TYW3: variants seen among roughly 807,000 people sequenced by gnomAD.
TYW3 encodes the protein tRNA-yW synthesizing protein 3 homolog.
Under a neutral mutation model 23.1 loss-of-function variants are expected in TYW3, and 26 were observed. The observed-to-expected ratio is 1.13, with a 90% confidence interval of 0.83 to 1.56. TYW3 has a LOEUF of 1.56. Among genes scored for constraint, TYW3 ranks in the 40% most tolerant of loss-of-function variants. The probability of loss-of-function intolerance (pLI) is 0.00; values close to 1 mark genes in which losing one functional copy is unlikely to be tolerated. For synonymous variants in TYW3, 102 were observed against 105.7 expected, an observed-to-expected ratio of 0.97 and a Z score of 0.21; for missense variants, 316 against 311.9, an observed-to-expected ratio of 1.01 and a Z score of -0.10.
intron 3 of TYW3, among the ~76,000 whole-genome samples, chr1:74,743,774 A>C (rs1648446968): frequency 6.6e-6 from 1 of 152,058 alleles, no homozygotes; most frequent in Admixed American, 6.5e-5. Flanking sequence ...CTTGACTGAG[A>C]TATCAGGTAT....
intron 3 of TYW3, among the ~76,000 whole-genome samples, chr1:74,740,358 T>G (rs570229173): frequency 6.6e-6 from 1 of 152,320 alleles, no homozygotes; most frequent in African/African-American, 2.4e-5. Context: ...TGTTAACAGC[T>G]CATAATGGTA....
chr1:74,760,236 G>A (rs957247709), intron 5 of TYW3, among the ~76,000 whole-genome samples: 2 of 151,938 alleles, frequency 1.3e-5, no homozygotes, highest in African/African-American at 4.8e-5. Context: ...GCTATCTCAG[G>A]GGTGGCAGAG....
intron 3 of TYW3, among the ~76,000 whole-genome samples, chr1:74,739,542 C>T (rs1648278507): frequency 6.6e-6 from 1 of 152,144 alleles, no homozygotes; most frequent in Non-Finnish European, 1.5e-5. Flanking sequence ...AATGAACATT[C>T]CATGAAGATG....
intron 3 of TYW3, among the ~76,000 whole-genome samples, chr1:74,747,740 C>T (rs1403570568): frequency 6.7e-6 from 1 of 150,152 alleles, no homozygotes; most frequent in Non-Finnish European, 1.5e-5. Context: ...CATATATACA[C>T]ACACATATAT....
chr1:74,755,394 C>T (rs2100773265), intron 5 of TYW3, among the ~76,000 whole-genome samples: 1 of 152,290 alleles, frequency 6.6e-6, no homozygotes, highest in South Asian at 2.1e-4. Flanking sequence ...CTATGAATTC[C>T]ACTATTATAG....
chr1:74,757,940 G>A (rs193252492), intron 5 of TYW3, among the ~76,000 whole-genome samples: 56 of 152,256 alleles, frequency 3.7e-4, no homozygotes, highest in Non-Finnish European at 6.2e-4. Flanking sequence ...CAGCCACATG[G>A]AACCATAAGT....
At chr1:74,759,933 C>T (rs1009036705) in intron 5 of TYW3, among the ~76,000 whole-genome samples, 5 of 152,120 alleles carry the variant, frequency 3.3e-5, no homozygotes, top group Admixed American at 6.5e-5. Flanking sequence ...CATAAGCCAC[C>T]GCACCTGGCT....
At position 74,733,228 on chromosome 1, in the gene TYW3, C is replaced by G; in HGVS notation, c.-17C>G. 2 of 1,613,028 alleles carry G rather than the reference C, an allele frequency of 1.2e-6. No homozygotes were observed. Among genetic ancestry groups the G allele is most frequent in the East Asian group, 4.5e-5 (2 of 44,864 alleles). Reference sequence around the variant, plus strand: ...CTACCATGAAGGAGCCGAGCGCAGACCCTGAGTCCGTCACCCATGGATCGC... The same window carrying G: ...CTACCATGAAGGAGCCGAGCGCAGAGCCTGAGTCCGTCACCCATGGATCGC... On this transcript the variant is annotated 5_prime_UTR_variant, in exon 1 of 6. Transcript: ENST00000370867.
At chr1:74,740,604 G>A (rs529282676) in intron 3 of TYW3, among the ~76,000 whole-genome samples, 28 of 152,252 alleles carry the variant, frequency 1.8e-4, no homozygotes, top group Admixed American at 4.6e-4. Flanking sequence ...GACATAGAGC[G>A]CTGATTGGTG....
rs1649257546 is a variant in TYW3 at position 74,765,129 on chromosome 1, C to G, written c.*1016C>G. 1 of 152,128 alleles carries G rather than the reference C, an allele frequency of 6.6e-6. No individual in the cohort carries two copies. Among genetic ancestry groups the G allele is most frequent in the Non-Finnish European group, 1.5e-5 (1 of 68,020 alleles). 9.4% of individuals were successfully genotyped at this position (152,128 alleles called of 1,614,324 possible). ...AATCTTTATTTTTCACACAACTCATCCAAGTGGTTCTGATAAAATCAGTCC... is the reference window on the plus strand; with the variant it reads ...AATCTTTATTTTTCACACAACTCATGCAAGTGGTTCTGATAAAATCAGTCC... On this transcript the variant is annotated 3_prime_UTR_variant, in exon 6 of 6. Coordinates refer to ENST00000370867, the MANE Select transcript of TYW3 (RefSeq NM_138467.3).
rs1648155258 is a variant in TYW3 at position 74,736,423 on chromosome 1, T to C, written c.175-119T>C. On this transcript the variant is annotated intron_variant, in intron 1 of 5. Coordinates refer to ENST00000370867, the MANE Select transcript of TYW3 (RefSeq NM_138467.3). The stretch of plus-strand genomic sequence containing the variant: ...AAACATACCGAATTGTTTTTATTAA[T>C]ACTTAAAATCCTGACTTGGGATTAT... The C allele has an allele frequency of 7.9e-6, 5 of 633,348 alleles. No individual in the cohort carries two copies. In the Admixed American group the frequency reaches 1.7e-4, roughly 21 times the overall value. 39.2% of individuals were successfully genotyped at this position (633,348 alleles called of 1,614,324 possible).
At chr1:74,755,063 A>G (rs1648907481) in intron 5 of TYW3, among the ~76,000 whole-genome samples, 1 of 152,246 alleles carries the variant, frequency 6.6e-6, no homozygotes, top group South Asian at 2.1e-4. Context: ...CTGTGTAATG[A>G]GAAAATATTA....
chr1:74,766,223 T>C lies in TYW3; in HGVS notation c.*2110T>C, dbSNP rs570669705. On this transcript the variant is annotated 3_prime_UTR_variant, in exon 6 of 6. Transcript: ENST00000370867. ...TGATAATATGTTACTGGTTTGTGTC[T>C]TTGCTATGCTTTTTATCATTATTTT... 4 of 152,196 alleles carry C rather than the reference T, an allele frequency of 2.6e-5. No individual in the cohort carries two copies. The highest frequency in any genetic ancestry group is 2.6e-4 in the Admixed American group (4 of 15,272). The allele number at this position is 152,196 out of a possible 1,614,324, so 9.4% of individuals were successfully genotyped here. A position where few individuals can be genotyped will look rare whatever the true frequency, so the allele number is the denominator to read the frequency against.
chr1:74,742,477 G>A (rs1038148905), intron 3 of TYW3, among the ~76,000 whole-genome samples: 1 of 152,152 alleles, frequency 6.6e-6, no homozygotes, highest in Non-Finnish European at 1.5e-5. Flanking sequence ...TTTCGGTTGG[G>A]GAATACTGGA....
In TYW3 at chr1:74,748,598, A is replaced by G. The variant is rs1648668937; in HGVS notation, c.355-153A>G. 9.3e-6 allele frequency: 6 copies of G among 645,254 alleles called. No homozygotes were observed. The South Asian group carries it at 1.1e-4, about 12-fold the overall frequency. 40.0% of individuals were successfully genotyped at this position (645,254 alleles called of 1,614,324 possible). The stretch of plus-strand genomic sequence containing the variant: ...TGATGTTAGGAGTTTGATCAAAGTC[A>G]TTTTTAAGCATAGTCCGTATTGGCT... On this transcript the variant is annotated intron_variant, in intron 3 of 5. Transcript: ENST00000370867.
At chr1:74,747,779 A>G (rs28622045) in intron 3 of TYW3, among the ~76,000 whole-genome samples, 99,321 of 151,500 alleles carry the variant, frequency 0.66, 32,948 homozygotes, top group East Asian at 0.78. Flanking sequence ...ATGTGTGTAT[A>G]TGTATACACA....
At chr1:74,746,140 G>T (rs1263953473) in intron 3 of TYW3, among the ~76,000 whole-genome samples, 4 of 152,194 alleles carry the variant, frequency 2.6e-5, no homozygotes, top group African/African-American at 9.7e-5. Context: ...GTAGAAGTCT[G>T]GAACTCAGGG....
At chr1:74,757,414 G>C (rs769977945) in intron 5 of TYW3, among the ~76,000 whole-genome samples, 1 of 152,254 alleles carries the variant, frequency 6.6e-6, no homozygotes, top group Admixed American at 6.5e-5. Flanking sequence ...ATCTGGATGT[G>C]AGACATGGAG....
chr1:74,747,841 A>G (rs1308730521), intron 3 of TYW3, among the ~76,000 whole-genome samples: 3 of 151,850 alleles, frequency 2.0e-5, no homozygotes, highest in African/African-American at 4.8e-5. Flanking sequence ...GTGCGTATAT[A>G]TGTGTATACA....
Sources: gnomAD v4.1 joint callset for allele counts (sites outside exome capture counted in the v4.1 genomes callset) on GRCh38, gnomAD v4.1.1 for gene constraint, MANE v1.5 for transcripts, NCBI Gene and HGNC (gene_info 2026-07-23, HGNC 2026-07-21) for gene names.